GPC5: variants seen among roughly 807,000 people sequenced by gnomAD.
GPC5 encodes glypican-5.
A neutral mutation model predicts 53.9 loss-of-function variants in GPC5; 47 were observed. That is an observed-to-expected ratio of 0.87 (90% CI 0.69 to 1.11). GPC5 has a LOEUF of 1.11. GPC5 is among the 50% of genes most tolerant of loss of function. The pLI is 0.00. For synonymous variants in GPC5, 286 were observed against 263.3 expected, an observed-to-expected ratio of 1.09 and a Z score of -0.84; for missense variants, 748 against 713.1, an observed-to-expected ratio of 1.05 and a Z score of -0.56.
intron 6 of GPC5, among the ~76,000 whole-genome samples, chr13:92,056,261 T>C (rs1489214175): frequency 6.6e-6 from 1 of 152,154 alleles, no homozygotes; most frequent in African/African-American, 2.4e-5. Context: ...GAACTCTGTT[T>C]CCATCATCTC....
At chr13:91,719,884 G>A (rs976637077) in intron 3 of GPC5, among the ~76,000 whole-genome samples, 1 of 150,068 alleles carries the variant, frequency 6.7e-6, no homozygotes. Flanking sequence ...AGATGATCTA[G>A]TACCTTCAAA....
intron 6 of GPC5, among the ~76,000 whole-genome samples, chr13:92,085,434 A>G (rs572539192): frequency 6.6e-6 from 1 of 152,354 alleles, no homozygotes; most frequent in African/African-American, 2.4e-5. Flanking sequence ...TAGTCCTTGT[A>G]GATCATGAGT....
chr13:92,002,383 A>C (rs1437722315), intron 6 of GPC5, among the ~76,000 whole-genome samples: 4 of 152,242 alleles, frequency 2.6e-5, no homozygotes, highest in Non-Finnish European at 4.4e-5. Flanking sequence ...AAGGAATTAA[A>C]ATATTATCTT....
intron 5 of GPC5, among the ~76,000 whole-genome samples, chr13:91,758,419 T>C (rs2037340700): frequency 6.6e-6 from 1 of 152,086 alleles, no homozygotes; most frequent in Admixed American, 6.6e-5. Context: ...TTACATTATG[T>C]TGAATTATAT....
intron 7 of GPC5, among the ~76,000 whole-genome samples, chr13:92,603,391 C>T (rs1884147494): frequency 6.6e-6 from 1 of 152,132 alleles, no homozygotes; most frequent in South Asian, 2.1e-4. Flanking sequence ...TACATGAAGC[C>T]TTCTAAAGAG....
chr13:92,740,896 TTATATATA>T (rs59036154), intron 7 of GPC5, among the ~76,000 whole-genome samples: 18,852 of 130,048 alleles, frequency 0.14, 1,729 homozygotes, highest in Non-Finnish European at 0.19. Flanking sequence ...ATTTATTTAT[TTATATATA>T]TATATATATA....
chr13:92,146,213 A>T (rs528294495), intron 7 of GPC5, among the ~76,000 whole-genome samples: 3 of 152,112 alleles, frequency 2.0e-5, no homozygotes, highest in East Asian at 1.9e-4. Context: ...TGCGATAAAG[A>T]TGTGTTCTTA....
intron 7 of GPC5, among the ~76,000 whole-genome samples, chr13:92,433,032 G>T (rs1050232423): frequency 6.6e-6 from 1 of 152,130 alleles, no homozygotes; most frequent in African/African-American, 2.4e-5. Context: ...TGAATAAAAA[G>T]AAATTAAGCA....
At chr13:91,776,307 G>A (rs2037710232) in intron 5 of GPC5, among the ~76,000 whole-genome samples, 1 of 152,108 alleles carries the variant, frequency 6.6e-6, no homozygotes, top group South Asian at 2.1e-4. Flanking sequence ...AGAGACCTGA[G>A]GTCTAGGTTT....
At chr13:92,234,278 G>C (rs1310553136) in intron 7 of GPC5, among the ~76,000 whole-genome samples, 2 of 152,172 alleles carry the variant, frequency 1.3e-5, no homozygotes, top group African/African-American at 4.8e-5. Flanking sequence ...CCCACCAACA[G>C]TGTAAAAGTG....
Position 92,827,572 on chromosome 13 carries a change from G to A in GPC5, c.1562-38710G>A, listed in dbSNP as rs146382912. Among the ~76,000 whole-genome samples, 15 of 152,188 alleles carry A rather than the reference G, an allele frequency of 9.9e-5. 1 individual carries two copies. The East Asian group carries it at 2.9e-3, about 29-fold the overall frequency. ...ACAGTGAGGGAGAGGAATTTCTCTG[G>A]CTCCATTTGCAATTTGGGATCCTGG... On this transcript the variant is annotated intron_variant, in intron 7 of 7. Coordinates refer to ENST00000377067, the MANE Select transcript of GPC5 (RefSeq NM_004466.6).
At chr13:92,635,866 T>G (rs9556198) in intron 7 of GPC5, among the ~76,000 whole-genome samples, 1 of 152,164 alleles carries the variant, frequency 6.6e-6, no homozygotes, top group Non-Finnish European at 1.5e-5. Flanking sequence ...CTGCATTGAA[T>G]TTCTTGGAAT....
intron 7 of GPC5, among the ~76,000 whole-genome samples, chr13:92,372,621 T>A (rs541438772): frequency 1.4e-4 from 21 of 152,284 alleles, no homozygotes; most frequent in African/African-American, 5.1e-4. Context: ...TGGGAGTAAA[T>A]CCACTAAATG....
At chr13:92,825,696 A>T (rs940990189) in intron 7 of GPC5, among the ~76,000 whole-genome samples, 1 of 152,072 alleles carries the variant, frequency 6.6e-6, no homozygotes, top group African/African-American at 2.4e-5. Context: ...TATTCTCTTA[A>T]CTCCATTCTG....
chr13:91,942,741 A>T (rs1185278102), intron 6 of GPC5, among the ~76,000 whole-genome samples: 1 of 152,096 alleles, frequency 6.6e-6, no homozygotes, highest in Non-Finnish European at 1.5e-5. Flanking sequence ...TGTGTGTTAG[A>T]TATATAATTT....
At chr13:91,619,657 A>G (rs1203517737) in intron 2 of GPC5, among the ~76,000 whole-genome samples, 1 of 152,082 alleles carries the variant, frequency 6.6e-6, no homozygotes, top group Non-Finnish European at 1.5e-5. Context: ...ACACACAGAA[A>G]CTGCACAATG....
chr13:91,881,226 G>A (rs1441920034), intron 5 of GPC5, among the ~76,000 whole-genome samples: 3 of 151,616 alleles, frequency 2.0e-5, no homozygotes, highest in Non-Finnish European at 4.4e-5. Context: ...AAATCATGAT[G>A]GCCTGTAACA....
At chr13:91,609,216 C>T (rs1443136866) in intron 2 of GPC5, among the ~76,000 whole-genome samples, 2 of 151,140 alleles carry the variant, frequency 1.3e-5, no homozygotes, top group African/African-American at 4.9e-5. Context: ...TAATAAGATT[C>T]GAATGCTGTA....
At chr13:92,472,554 G>C (rs888155582) in intron 7 of GPC5, among the ~76,000 whole-genome samples, 1 of 152,072 alleles carries the variant, frequency 6.6e-6, no homozygotes, top group Non-Finnish European at 1.5e-5. Context: ...AGCTTGTTCA[G>C]AGCCTAGGAG....
Sources: gnomAD v4.1 joint callset for allele counts (sites outside exome capture counted in the v4.1 genomes callset) on GRCh38, gnomAD v4.1.1 for gene constraint, MANE v1.5 for transcripts, NCBI Gene and HGNC (gene_info 2026-07-23, HGNC 2026-07-21) for gene names.